ARHGAP28: variants seen among roughly 807,000 people sequenced by gnomAD.
ARHGAP28 encodes the protein Rho GTPase activating protein 28.
In ARHGAP28, 56 loss-of-function variants were observed where a neutral mutation model predicts 90.7. The ratio of observed to expected loss-of-function variants is 0.62; its 90% CI spans 0.50 to 0.77. The LOEUF (loss-of-function observed/expected upper bound fraction) is 0.77. Ranked by LOEUF, ARHGAP28 falls within the 30% of genes least tolerant of loss-of-function variation. The probability of loss-of-function intolerance (pLI) is 0.00; values close to 1 mark genes in which losing one functional copy is unlikely to be tolerated. For synonymous variants in ARHGAP28, 308 were observed against 323.3 expected (o/e 0.95, Z 0.51); for missense variants, 869 against 900.9 (o/e 0.96, Z 0.45).
At chr18:6,829,507 A>G (rs1490909071) in intron 2 of ARHGAP28, among the ~76,000 whole-genome samples, 2 of 152,232 alleles carry the variant, frequency 1.3e-5, no homozygotes. Context: ...ATTTATTTGC[A>G]GATTTTTTTT....
chr18:6,770,548 A>G (rs896091058), intron 1 of ARHGAP28, among the ~76,000 whole-genome samples: 2 of 152,328 alleles, frequency 1.3e-5, no homozygotes, highest in African/African-American at 2.4e-5. Flanking sequence ...GGGATCAAAC[A>G]TGCTCGTCAC....
intron 17 of ARHGAP28, among the ~76,000 whole-genome samples, chr18:6,910,945 C>T (rs1191536931): frequency 4.6e-5 from 7 of 151,592 alleles, no homozygotes; most frequent in African/African-American, 9.7e-5. Context: ...CCCGGGTTCA[C>T]GCCATTCTCC....
chr18:6,807,068 G>A (rs1009776055), intron 1 of ARHGAP28, among the ~76,000 whole-genome samples: 3 of 151,696 alleles, frequency 2.0e-5, no homozygotes, highest in Admixed American at 6.6e-5. Flanking sequence ...AGTTGATTAC[G>A]GTGCACCATG....
At chr18:6,870,948 C>T (rs1432932360) in intron 7 of ARHGAP28, among the ~76,000 whole-genome samples, 6 of 152,146 alleles carry the variant, frequency 3.9e-5, no homozygotes, top group Non-Finnish European at 8.8e-5. Context: ...CTACAGGCAC[C>T]TGCCAACTTG....
chr18:6,877,876 C>A (rs1002146426), intron 10 of ARHGAP28, among the ~76,000 whole-genome samples: 3 of 152,078 alleles, frequency 2.0e-5, no homozygotes, highest in Non-Finnish European at 4.4e-5. Flanking sequence ...ATTTCCTAAA[C>A]AGAAACAGAT....
intron 1 of ARHGAP28, among the ~76,000 whole-genome samples, chr18:6,814,616 G>A (rs76892190): frequency 0.025 from 3,871 of 152,206 alleles, 163 homozygotes; most frequent in African/African-American, 0.088. Context: ...GAGCTAGAAA[G>A]TCAAGGTAAA....
chr18:6,892,974 C>G (rs935439384), intron 14 of ARHGAP28, among the ~76,000 whole-genome samples: 1 of 152,304 alleles, frequency 6.6e-6, no homozygotes, highest in African/African-American at 2.4e-5. Context: ...AATCATATGG[C>G]CTTTATATTC....
chr18:6,823,354 C>T (rs116683761), intron 1 of ARHGAP28, among the ~76,000 whole-genome samples: 2 of 152,180 alleles, frequency 1.3e-5, no homozygotes, highest in African/African-American at 4.8e-5. Flanking sequence ...ACAATGTCCT[C>T]AGGTTTCATC....
intron 14 of ARHGAP28, 73 bp from the exon 15 acceptor site, chr18:6,894,762 A>G: frequency 8.0e-7 from 1 of 1,243,038 alleles, no homozygotes; most frequent in Non-Finnish European, 1.2e-6. Context: ...TAAAGATTGT[A>G]CCAGTTTACA....
chr18:6,910,161 G>A (rs2057388369), intron 17 of ARHGAP28, among the ~76,000 whole-genome samples: 2 of 152,170 alleles, frequency 1.3e-5, no homozygotes, highest in African/African-American at 4.8e-5. Flanking sequence ...AACTGCCTGA[G>A]TTGATCTTTC....
At position 6,824,893 on chromosome 18, in the gene ARHGAP28, T is replaced by C. The variant is rs1038643861; in HGVS notation, c.254T>C (p.Ile85Thr). 6 of 1,535,868 alleles carry C rather than the reference T, an allele frequency of 3.9e-6. No individual in the cohort carries two copies. In the African/African-American group the frequency reaches 5.5e-5, roughly 14 times the overall value. The change falls in exon 2 of 18, where the codon ATA (isoleucine) becomes ACA (threonine). Residue 85 changes from isoleucine to threonine, a missense_variant. Physicochemically the swap from Ile to Thr is moderately conservative, Grantham distance 89 (BLOSUM62 -1). Transcript: ENST00000383472. Reference protein sequence around the residue: ...SASMEDFWREIESIKDSSMGG... With the variant: ...SASMEDFWRETESIKDSSMGG... ...TCCATGGAGGATTTCTGGCGGGAAATAGAAAGTATTAAAGACAGCAGCATG... is the reference window on the plus strand; with the variant it reads ...TCCATGGAGGATTTCTGGCGGGAAACAGAAAGTATTAAAGACAGCAGCATG...
At chr18:6,874,494 A>T (rs971848300) in intron 9 of ARHGAP28, 1 of 152,210 alleles carries the variant, frequency 6.6e-6, no homozygotes, top group African/African-American at 2.4e-5. Flanking sequence ...CTAAGTGTGC[A>T]TTTATTCAAC....
chr18:6,894,224 T>C (rs752579321), intron 14 of ARHGAP28, among the ~76,000 whole-genome samples: 11 of 152,176 alleles, frequency 7.2e-5, no homozygotes, highest in Non-Finnish European at 1.0e-4. Context: ...ATTAACAAGT[T>C]ATAAATTTAG....
intron 1 of ARHGAP28, among the ~76,000 whole-genome samples, chr18:6,797,278 G>T (rs1473812691): frequency 1.3e-5 from 2 of 152,172 alleles, no homozygotes; most frequent in Non-Finnish European, 2.9e-5. Flanking sequence ...GGATCACTTT[G>T]TTGCTTTTGG....
intron 10 of ARHGAP28, among the ~76,000 whole-genome samples, chr18:6,876,702 A>G (rs2057133790): frequency 6.6e-6 from 1 of 152,194 alleles, no homozygotes; most frequent in Admixed American, 6.5e-5. Flanking sequence ...AAGCTCTTAC[A>G]GGAATTTGTA....
intron 12 of ARHGAP28, among the ~76,000 whole-genome samples, chr18:6,888,918 G>A (rs559324704): frequency 6.6e-6 from 1 of 152,088 alleles, no homozygotes; most frequent in African/African-American, 2.4e-5. Context: ...GGTTCCCTTC[G>A]TTCAGATCCT....
chr18:6,849,613 T>A (rs2056893916), intron 3 of ARHGAP28, among the ~76,000 whole-genome samples: 1 of 152,180 alleles, frequency 6.6e-6, no homozygotes, highest in Admixed American at 6.6e-5. Context: ...AATTGGTGAG[T>A]ATCAAGATGC....
intron 5 of ARHGAP28, among the ~76,000 whole-genome samples, chr18:6,867,077 T>G (rs2057043304): frequency 6.6e-6 from 1 of 152,162 alleles, no homozygotes; most frequent in Admixed American, 6.6e-5. Context: ...CTTTTTTCGG[T>G]TTGTCATTCT....
intron 10 of ARHGAP28, among the ~76,000 whole-genome samples, chr18:6,879,959 G>T (rs1181040141): frequency 6.6e-6 from 1 of 152,172 alleles, no homozygotes; most frequent in East Asian, 1.9e-4. Context: ...TGCCCCTTAG[G>T]TGACTGGGAA....
Sources: allele counts gnomAD v4.1 joint callset (sites outside exome capture counted in the v4.1 genomes callset), GRCh38; gene constraint gnomAD v4.1.1; transcripts MANE v1.5; gene names NCBI Gene and HGNC (gene_info 2026-07-23, HGNC 2026-07-21).